Variants in CSPP1 observed in about 807,000 individuals in gnomAD.
CSPP1 encodes the protein centrosome and spindle pole-associated protein 1.
Under a neutral mutation model 164.4 loss-of-function variants are expected in CSPP1, and 126 were observed. The ratio of observed to expected loss-of-function variants is 0.77; its 90% CI spans 0.66 to 0.89. The LOEUF (loss-of-function observed/expected upper bound fraction) is 0.89. CSPP1 is among the 40% of genes least tolerant of loss of function. The pLI, the probability that CSPP1 is intolerant of heterozygous loss-of-function variation, is 0.00. For synonymous variants in CSPP1, 472 were observed against 476.7 expected (o/e 0.99, Z 0.13); for missense variants, 1,395 against 1,449.8 (o/e 0.96, Z 0.61).
chr8:67,181,361 T>TA (rs1411298851), intron 28 of CSPP1, among the ~76,000 whole-genome samples: 2 of 141,236 alleles, frequency 1.4e-5, no homozygotes, highest in South Asian at 2.2e-4. Flanking sequence ...TTTTTTTTTT[T>TA]AATGAATTTT....
intron 15 of CSPP1, among the ~76,000 whole-genome samples, chr8:67,124,572 C>T (rs914537716): frequency 2.6e-5 from 4 of 152,136 alleles, no homozygotes; most frequent in Non-Finnish European, 5.9e-5. Context: ...ATGATCATGG[C>T]TCACTGCAAG....
At chr8:67,096,150 G>A (rs1016495340) in intron 7 of CSPP1, among the ~76,000 whole-genome samples, 5 of 152,120 alleles carry the variant, frequency 3.3e-5, no homozygotes, top group Non-Finnish European at 7.4e-5. Context: ...TGCCAGTAGC[G>A]TCCAAAGAAA....
intron 25 of CSPP1, chr8:67,175,006 T>G: frequency 3.0e-6 from 1 of 333,726 alleles, no homozygotes; most frequent in Non-Finnish European, 5.6e-6. Context: ...CTGGGTGGCA[T>G]CCTGGCAGGG....
At chr8:67,103,652 A>T (rs939792589) in intron 8 of CSPP1, among the ~76,000 whole-genome samples, 2 of 151,334 alleles carry the variant, frequency 1.3e-5, no homozygotes, top group Non-Finnish European at 2.9e-5. Flanking sequence ...ATACAAAAAA[A>T]AAAAAGAAAA....
chr8:67,083,750 GGCAGCATT>G (rs1318907808), intron 3 of CSPP1: 2 of 151,686 alleles, frequency 1.3e-5, no homozygotes, highest in African/African-American at 4.8e-5. Flanking sequence ...GCATCATCCT[GGCAGCATT>G]GTTGTCTTTT....
In CSPP1 at chr8:67,172,615, T is replaced by TTGTTTTTCAC. The variant is rs1830692884; in HGVS notation, c.2968+60_2968+61insTGTTTTTCAC. On this transcript the variant is annotated intron_variant, in intron 25 of 30. Coordinates refer to ENST00000678616, the MANE Select transcript of CSPP1 (RefSeq NM_001382391.1). ...GAAGTGTTCTACCCATATTTAAATA[T>TTGTTTTTCAC]CTATAAAGATCTTTGTACCCTTTTT... is the stretch of plus-strand genomic sequence containing the variant. 23 of 1,369,516 alleles carry TTGTTTTTCAC rather than the reference T, an allele frequency of 1.7e-5. No homozygotes were observed. The African/African-American group carries it at 2.2e-4, about 13-fold the overall frequency. The allele number at this position is 1,369,516 out of a possible 1,614,324, so 84.8% of individuals were successfully genotyped here.
chr8:67,130,477 AGCCCCCT>A (rs1821002790), intron 15 of CSPP1, among the ~76,000 whole-genome samples: 2 of 152,188 alleles, frequency 1.3e-5, no homozygotes, highest in African/African-American at 4.8e-5. Context: ...TTACACAAAG[AGCCCCCT>A]TGCTCTGAAA....
chr8:67,094,979 A>G (rs1308971180), intron 6 of CSPP1, among the ~76,000 whole-genome samples: 1 of 152,060 alleles, frequency 6.6e-6, no homozygotes, highest in Non-Finnish European at 1.5e-5. Context: ...GATTATTTTG[A>G]GGTTCATTTG....
chr8:67,195,463 C>T lies in CSPP1; in HGVS notation c.3551C>T (p.Pro1184Leu). ...GGATCAAACTCTGTAGCAACTGAGC[C>T]CTGGCTCCGCCCTGGCACTTCAGAA... ...DDGSNSVATE[P>L]WLRPGTSETL... Residue 1184 changes from proline to leucine, a missense_variant, in exon 31 of 31, where the codon CCC becomes CTC. Pro to Leu is a moderately conservative substitution (Grantham distance 98, BLOSUM62 -3). Transcript: ENST00000678616. The T allele has an allele frequency of 6.2e-7, 1 of 1,614,142 alleles. No individual in the cohort carries two copies. The highest frequency in any genetic ancestry group is 8.5e-7 in the Non-Finnish European group (1 of 1,180,014).
chr8:67,138,694 G>A (rs1466495503), intron 17 of CSPP1, among the ~76,000 whole-genome samples: 1 of 152,176 alleles, frequency 6.6e-6, no homozygotes, highest in Non-Finnish European at 1.5e-5. Context: ...TGGATGTTGA[G>A]TTAGAATTCT....
rs781562670 is a variant in CSPP1 at position 67,195,545 on chromosome 8, A to G, written c.3633A>G (p.Gly1211=). 1 of 1,614,206 alleles carries G rather than the reference A, an allele frequency of 6.2e-7. No individual in the cohort carries two copies. Among genetic ancestry groups the G allele is most frequent in the Non-Finnish European group, 8.5e-7 (1 of 1,180,038 alleles). Residue 1211 remains glycine (G), a synonymous_variant, in exon 31 of 31, where the codon GGA becomes GGG. Coordinates refer to ENST00000678616, the MANE Select transcript of CSPP1 (RefSeq NM_001382391.1). ...QLNQEQQQIP[G]KPGTFTWQGL... The stretch of plus-strand genomic sequence containing the variant: ...ACCAGGAGCAGCAGCAGATTCCTGG[A>G]AAACCAGGCACTTTCACTTGGCAGG...
intron 15 of CSPP1, among the ~76,000 whole-genome samples, chr8:67,128,404 T>G (rs1820524129): frequency 6.6e-6 from 1 of 152,062 alleles, no homozygotes; most frequent in Non-Finnish European, 1.5e-5. Context: ...CTGGGCGTGG[T>G]GGCACATGCC....
chr8:67,195,722 A>ATTTT lies in CSPP1; in HGVS notation c.*131_*134dup. The ATTTT allele has an allele frequency of 1.5e-6, 1 of 669,400 alleles. No individual in the cohort carries two copies. The highest frequency in any genetic ancestry group is 2.6e-6 in the Non-Finnish European group (1 of 386,572). 41.5% of individuals were successfully genotyped at this position (669,400 alleles called of 1,614,324 possible). ...TTTTCCATCATCTGTATATAAAATT[A>ATTTT]TTTTTATCATGATGTATATTATGTA... On this transcript the variant is annotated 3_prime_UTR_variant, in exon 31 of 31. Coordinates refer to ENST00000678616, the MANE Select transcript of CSPP1 (RefSeq NM_001382391.1).
intron 15 of CSPP1, among the ~76,000 whole-genome samples, chr8:67,128,685 A>T (rs2129553503): frequency 6.6e-6 from 1 of 152,318 alleles, no homozygotes; most frequent in East Asian, 1.9e-4. Context: ...TGAAATGGAA[A>T]ATTACAAGCT....
intron 19 of CSPP1, among the ~76,000 whole-genome samples, chr8:67,154,873 C>T (rs1316832151): frequency 6.6e-6 from 1 of 152,124 alleles, no homozygotes; most frequent in Non-Finnish European, 1.5e-5. Context: ...ATCTATTAGG[C>T]AGAGAATGCA....
chr8:67,130,077 A>G (rs1820896373), intron 15 of CSPP1, among the ~76,000 whole-genome samples: 1 of 152,174 alleles, frequency 6.6e-6, no homozygotes, highest in Non-Finnish European at 1.5e-5. Flanking sequence ...TGTGAAACCC[A>G]TGTATGTGGA....
intron 1 of CSPP1, 27 bp from the exon 2 acceptor site, chr8:67,074,216 T>TA (rs768332832): frequency 9.9e-6 from 13 of 1,319,778 alleles, no homozygotes; most frequent in African/African-American, 1.5e-5. Context: ...GTGATATAGA[T>TA]ACGCTCACTG....
rs1193094903 is a variant in CSPP1 at position 67,195,398 on chromosome 8, G to C, written c.3486G>C (p.Leu1162=). ...KPINTDDESS[L]VDPDDIMKHI... ...CTCCTGTAGATGATGAGAGTTCACT[G>C]GTTGACCCTGATGACATCATGAAAC... The change falls in exon 31 of 31, where the codon CTG becomes CTC. Residue 1162 remains leucine (L), a synonymous_variant. Transcript: ENST00000678616. 1 of 1,613,720 alleles carries C rather than the reference G, an allele frequency of 6.2e-7. No individual in the cohort carries two copies. The highest frequency in any genetic ancestry group is 1.3e-5 in the African/African-American group (1 of 74,912).
At chr8:67,094,143 AAAG>A (rs1439261546) in intron 6 of CSPP1, among the ~76,000 whole-genome samples, 69 of 150,254 alleles carry the variant, frequency 4.6e-4, no homozygotes, top group African/African-American at 1.7e-3. Flanking sequence ...AAAAAAAAAA[AAAG>A]GATGATTGAT....
Sources: gnomAD v4.1 joint callset for allele counts (sites outside exome capture counted in the v4.1 genomes callset) on GRCh38, gnomAD v4.1.1 for gene constraint, MANE v1.5 for transcripts, NCBI Gene and HGNC (gene_info 2026-07-23, HGNC 2026-07-21) for gene names.